SYN2: variants seen among roughly 807,000 people sequenced by gnomAD.
The protein encoded by SYN2 is synapsin II.
In SYN2, 19 loss-of-function variants were observed where a neutral mutation model predicts 50.9. The observed-to-expected ratio is 0.37, with a 90% CI of 0.26 to 0.55. The LOEUF (loss-of-function observed/expected upper bound fraction) is 0.55, where lower values mean the gene tolerates loss of function less well. Among genes scored for constraint, SYN2 ranks in the 20% least tolerant of loss-of-function variants. The pLI, the probability that SYN2 is intolerant of heterozygous loss-of-function variation, is 0.81. For missense variants in SYN2, 587 were observed against 576.4 expected, an observed-to-expected ratio of 1.02 and a Z score of -0.19; for synonymous variants, 255 against 224.9, an observed-to-expected ratio of 1.13 and a Z score of -1.20.
chr3:12,019,037 A>G (rs1276707393), intron 1 of SYN2, among the ~76,000 whole-genome samples: 1 of 152,156 alleles, frequency 6.6e-6, no homozygotes. Context: ...TCTCTCTCCA[A>G]TGATGCCTCT....
At chr3:12,164,035 T>C (rs2125238366) in intron 7 of SYN2, among the ~76,000 whole-genome samples, 1 of 152,120 alleles carries the variant, frequency 6.6e-6, no homozygotes, top group East Asian at 1.9e-4. Context: ...ATTGCACCAC[T>C]CCAGCCTGAG....
chr3:12,150,676 C>T (rs116470837), intron 4 of SYN2, among the ~76,000 whole-genome samples: 1,890 of 152,276 alleles, frequency 0.012, 33 homozygotes, highest in African/African-American at 0.043. Flanking sequence ...CCTGTCTATC[C>T]CACATACCAT....
chr3:12,121,645 T>A (rs1182734730), intron 1 of SYN2, among the ~76,000 whole-genome samples: 2 of 117,372 alleles, frequency 1.7e-5, no homozygotes, highest in African/African-American at 3.4e-5. Flanking sequence ...AAAGGGAAGG[T>A]AAGGGGAAGG....
chr3:12,011,135 G>C (rs1423623201), intron 1 of SYN2, among the ~76,000 whole-genome samples: 1 of 152,192 alleles, frequency 6.6e-6, no homozygotes, highest in Non-Finnish European at 1.5e-5. Flanking sequence ...TGGTGGATAT[G>C]ATCCTGAAAA....
chr3:12,047,353 A>G (rs997997713), intron 1 of SYN2, among the ~76,000 whole-genome samples: 2 of 152,058 alleles, frequency 1.3e-5, no homozygotes, highest in Non-Finnish European at 2.9e-5. Context: ...GGTGGCTTCT[A>G]TTTTCTCTGT....
intron 1 of SYN2, among the ~76,000 whole-genome samples, chr3:12,096,479 T>G (rs184992768): frequency 1.2e-4 from 19 of 152,156 alleles, no homozygotes; most frequent in African/African-American, 4.3e-4. Flanking sequence ...TTTCACAAAG[T>G]TAAATGAGAA....
At chr3:12,182,459 C>A (rs1574893650) in intron 10 of SYN2, among the ~76,000 whole-genome samples, 5 of 152,200 alleles carry the variant, frequency 3.3e-5, no homozygotes, top group African/African-American at 1.2e-4. Context: ...AACTAAGTCG[C>A]ACAGGTCTTT....
chr3:12,138,907 A>G (rs1328065298), intron 1 of SYN2, among the ~76,000 whole-genome samples: 1 of 152,200 alleles, frequency 6.6e-6, no homozygotes, highest in Non-Finnish European at 1.5e-5. Flanking sequence ...GCAGAGTCCA[A>G]GGTCTGCAGA....
intron 1 of SYN2, among the ~76,000 whole-genome samples, chr3:12,125,419 G>A (rs1220492249): frequency 6.6e-6 from 1 of 152,166 alleles, no homozygotes. Flanking sequence ...AAACAGATTT[G>A]CATTTCTCCA....
At chr3:12,095,222 C>T (rs1273923451) in intron 1 of SYN2, among the ~76,000 whole-genome samples, 1 of 151,638 alleles carries the variant, frequency 6.6e-6, no homozygotes, top group East Asian at 2.0e-4. Flanking sequence ...GTACCATTCC[C>T]CTCAATTACA....
chr3:12,172,954 C>T (rs760615819), intron 10 of SYN2, among the ~76,000 whole-genome samples: 2 of 152,226 alleles, frequency 1.3e-5, no homozygotes, highest in Non-Finnish European at 2.9e-5. Context: ...TATTGATCTG[C>T]ATTTCCATTG....
chr3:12,098,563 A>T (rs560099224), intron 1 of SYN2, among the ~76,000 whole-genome samples: 30 of 152,138 alleles, frequency 2.0e-4, no homozygotes, highest in South Asian at 4.1e-4. Context: ...GTAACTTTTT[A>T]AAAAAAGTAA....
At chr3:12,098,007 T>TA (rs966887281) in intron 1 of SYN2, among the ~76,000 whole-genome samples, 12 of 150,998 alleles carry the variant, frequency 7.9e-5, no homozygotes, top group Non-Finnish European at 1.2e-4. Context: ...AAAGTATAAT[T>TA]AAAAAAAAAG....
At chr3:12,037,570 A>G (rs555909527) in intron 1 of SYN2, among the ~76,000 whole-genome samples, 43 of 152,324 alleles carry the variant, frequency 2.8e-4, no homozygotes, top group Admixed American at 1.2e-3. Context: ...GTGTGAGCAC[A>G]AGAGCAAGTG....
intron 5 of SYN2, among the ~76,000 whole-genome samples, chr3:12,153,961 T>G (rs950935751): frequency 3.3e-5 from 5 of 152,234 alleles, no homozygotes; most frequent in Admixed American, 2.6e-4. Context: ...CCTTGAGCAC[T>G]TCACTTGCCA....
chr3:12,074,171 C>T (rs1695421473), intron 1 of SYN2, among the ~76,000 whole-genome samples: 1 of 151,988 alleles, frequency 6.6e-6, no homozygotes, highest in Non-Finnish European at 1.5e-5. Flanking sequence ...TAATTTTAGC[C>T]TGGTACATCT....
At chr3:12,154,189 CTG>C in intron 5 of SYN2, 1 of 1,311,200 alleles carries the variant, frequency 7.6e-7, no homozygotes, top group Non-Finnish European at 1.1e-6. Flanking sequence ...GGCCTATAGA[CTG>C]TATTGCTTTC....
chr3:12,177,966 G>T (rs999669137), intron 10 of SYN2, among the ~76,000 whole-genome samples: 1 of 152,182 alleles, frequency 6.6e-6, no homozygotes, highest in African/African-American at 2.4e-5. Context: ...GCTCATCCCT[G>T]GGCACCTTTT....
At chr3:12,185,807 G>T (rs111497521) in intron 11 of SYN2, 18,816 of 973,784 alleles carry the variant, frequency 0.019, 199 homozygotes, top group Non-Finnish European at 0.021. Flanking sequence ...TGGTGCAAGA[G>T]ACTGAGCTAT....
Sources: gnomAD v4.1 joint callset for allele counts (sites outside exome capture counted in the v4.1 genomes callset) on GRCh38, gnomAD v4.1.1 for gene constraint, MANE v1.5 for transcripts, NCBI Gene and HGNC (gene_info 2026-07-23, HGNC 2026-07-21) for gene names.